NTSR2: variants seen among roughly 807,000 people sequenced by gnomAD.
The protein encoded by NTSR2 is neurotensin receptor type 2.
In NTSR2, 22 loss-of-function variants were observed where a neutral mutation model predicts 24.1. That is an observed-to-expected ratio of 0.91 (90% CI 0.65 to 1.30). NTSR2 has a LOEUF of 1.30. Among genes scored for constraint, NTSR2 ranks in the 50% most tolerant of loss-of-function variants. The pLI, the probability that NTSR2 is intolerant of heterozygous loss-of-function variation, is 0.00. For missense variants in NTSR2, 570 were observed against 570.4 expected, an observed-to-expected ratio of 1.00 and a Z score of 0.01; for synonymous variants, 291 against 267.0, an observed-to-expected ratio of 1.09 and a Z score of -0.88.
rs898796459 is a variant in NTSR2, at chr2:11,662,008, A to C, written c.857T>G (p.Val286Gly). 32 of 1,611,842 alleles carry C rather than the reference A, an allele frequency of 2.0e-5. No homozygotes were observed. Among genetic ancestry groups the C allele is most frequent in the Non-Finnish European group, 2.7e-5 (32 of 1,179,052 alleles). The change falls in exon 2 of 4, where the codon GTG becomes GGG. Residue 286 changes from valine (V) to glycine (G), a missense_variant. Transcript: ENST00000306928. ...GCGCTGGAGGCTGCGGATCCGGCGCACGTCTTTATGTCTCACCAGGCTGAC... is the reference window on the plus strand; with the variant it reads ...GCGCTGGAGGCTGCGGATCCGGCGCCCGTCTTTATGTCTCACCAGGCTGAC... ...GQVSLVRHKD[V>G]RRIRSLQRSV...
rs754521218 is a variant in NTSR2 at position 11,669,744 on chromosome 2, A to C, written c.386T>G (p.Leu129Arg). Reference sequence around the variant, plus strand: ...CACGGCTAGGCAGCGCTCGGCGCTCAGGCCTGCCACGCTCAGCACCGTGGC... The same window carrying C: ...CACGGCTAGGCAGCGCTCGGCGCTCCGGCCTGCCACGCTCAGCACCGTGGC... ...AYATVLSVAGLSAERCLAVCQ... is the reference protein window; with the variant it reads ...AYATVLSVAGRSAERCLAVCQ... Residue 129 changes from leucine to arginine, a missense_variant, in exon 1 of 4, where the codon CTG (leucine) becomes CGG (arginine). Leu to Arg is a moderately radical substitution (Grantham distance 102). Transcript: ENST00000306928. 8.3e-5 allele frequency: 127 copies of C among 1,534,840 alleles called. No homozygotes were observed. Among genetic ancestry groups the C allele is most frequent in the Non-Finnish European group, 1.0e-4 (118 of 1,146,622 alleles).
intron 1 of NTSR2, among the ~76,000 whole-genome samples, chr2:11,667,805 G>C (rs558044250): frequency 6.6e-6 from 1 of 152,326 alleles, no homozygotes; most frequent in East Asian, 1.9e-4. Context: ...CCTGCTTCCA[G>C]GTGCGCATTG....
At chr2:11,669,460 G>GGGGGGGGGGGGGGGGGGGGCCCCCCCC in intron 1 of NTSR2, 46 bp downstream of exon 1, 3 of 254,724 alleles carry the variant, frequency 1.2e-5, no homozygotes, top group Non-Finnish European at 2.1e-5. Context: ...TCCCAGCACC[G>GGGGGGGGGGGGGGGGGGGGCCCCCCCC]CCCCCCCACC....
At chr2:11,663,707 A>G (rs1212786374) in intron 1 of NTSR2, among the ~76,000 whole-genome samples, 1 of 152,212 alleles carries the variant, frequency 6.6e-6, no homozygotes, top group Non-Finnish European at 1.5e-5. Flanking sequence ...GGATGGGGCC[A>G]GTGTGTGTTG....
Position 11,669,740 on chromosome 2 carries a change from G to A in NTSR2, c.390C>T (p.Ser130=). Reference sequence around the variant, plus strand: ...GGCACACGGCTAGGCAGCGCTCGGCGCTCAGGCCTGCCACGCTCAGCACCG... The same window carrying A: ...GGCACACGGCTAGGCAGCGCTCGGCACTCAGGCCTGCCACGCTCAGCACCG... ...YATVLSVAGL[S]AERCLAVCQP... The change falls in exon 1 of 4, where the codon AGC becomes AGT. Residue 130 remains serine (S), a synonymous_variant. Transcript: ENST00000306928. The A allele has an allele frequency of 6.5e-7, 1 of 1,534,046 alleles. No individual in the cohort carries two copies. Among genetic ancestry groups the A allele is most frequent in the Non-Finnish European group, 8.7e-7 (1 of 1,146,146 alleles).
At chr2:11,669,408 G>A in intron 1 of NTSR2, 98 bp downstream of exon 1, 3 of 968,652 alleles carry the variant, frequency 3.1e-6, no homozygotes, top group Middle Eastern at 3.5e-4. Flanking sequence ...GCGAGCATTA[G>A]AGTCGAAAAT....
chr2:11,659,312 C>T (rs1331119755), intron 3 of NTSR2, among the ~76,000 whole-genome samples: 2 of 152,244 alleles, frequency 1.3e-5, no homozygotes, highest in East Asian at 1.9e-4. Context: ...ACTGAGGCCC[C>T]GGGTGCCCCG....
chr2:11,669,460 G>GGGGCGGGGGGGGCCCCCCCCCCCCCCCCC, intron 1 of NTSR2, 46 bp downstream of exon 1: 1 of 254,726 alleles, frequency 3.9e-6, no homozygotes, highest in Non-Finnish European at 6.9e-6. Context: ...TCCCAGCACC[G>GGGGCGGGGGGGGCCCCCCCCCCCCCCCCC]CCCCCCCACC....
In NTSR2 at chr2:11,670,107, G is replaced by A. The variant is rs1420907218; in HGVS notation, c.23C>T (p.Pro8Leu). Residue 8 changes from proline to leucine, a missense_variant, in exon 1 of 4, where the codon CCC (proline) becomes CTC (leucine). By Grantham distance (98) the Pro-to-Leu change is moderately conservative. Transcript: ENST00000306928. METSSPR[P>L]PRPSSNPGLS... ...CCCCGGGTTGGAGCTGGGCCGCGGG[G>A]GCCGCGGGCTGCTGGTTTCCATCCC... 2 of 1,389,328 alleles carry A rather than the reference G, an allele frequency of 1.4e-6. No homozygotes were observed. Among genetic ancestry groups the A allele is most frequent in the Non-Finnish European group, 1.9e-6 (2 of 1,078,174 alleles). The allele number at this position is 1,389,328 out of a possible 1,614,324, so 86.1% of individuals were successfully genotyped here.
intron 2 of NTSR2, among the ~76,000 whole-genome samples, 200 bp from the exon 3 acceptor site, chr2:11,660,333 C>G (rs1231461894): frequency 6.6e-6 from 1 of 152,166 alleles, no homozygotes; most frequent in African/African-American, 2.4e-5. Flanking sequence ...TCATGTGATC[C>G]TGTCCTCTGG....
intron 1 of NTSR2, among the ~76,000 whole-genome samples, chr2:11,666,439 G>A (rs1558699011): frequency 6.6e-6 from 1 of 152,170 alleles, no homozygotes; most frequent in Non-Finnish European, 1.5e-5. Context: ...GGTGGCTCAC[G>A]GCTATAATCC....
At chr2:11,669,459 C>CGGGGGGGGGGGGGGGGGCG in intron 1 of NTSR2, 47 bp downstream of exon 1, 2 of 337,894 alleles carry the variant, frequency 5.9e-6, no homozygotes, top group Non-Finnish European at 5.3e-6. Flanking sequence ...CTCCCAGCAC[C>CGGGGGGGGGGGGGGGGGCG]GCCCCCCCAC....
At chr2:11,660,485 G>T (rs538263395) in intron 2 of NTSR2, among the ~76,000 whole-genome samples, 21 of 152,262 alleles carry the variant, frequency 1.4e-4, no homozygotes, top group African/African-American at 5.1e-4. Context: ...TCTTTCTTGG[G>T]CCAGGCACGG....
At chr2:11,669,114 T>TCCAGGGAGGG (rs1661265161) in intron 1 of NTSR2, among the ~76,000 whole-genome samples, 1 of 151,952 alleles carries the variant, frequency 6.6e-6, no homozygotes, top group South Asian at 2.1e-4. Flanking sequence ...CCACCCTACC[T>TCCAGGGAGGG]CCAGGGAGGC....
intron 2 of NTSR2, among the ~76,000 whole-genome samples, chr2:11,661,283 ATGAC>A (rs1251076912): frequency 6.6e-6 from 1 of 152,232 alleles, no homozygotes; most frequent in East Asian, 1.9e-4. Context: ...AACTTTTTCA[ATGAC>A]TGACCATCGT....
chr2:11,669,638 G>A lies in NTSR2; in HGVS notation c.492C>T (p.Leu164=), dbSNP rs759769889. The change falls in exon 1 of 4, where the codon CTC becomes CTT. Residue 164 remains leucine (L), a synonymous_variant. Coordinates refer to ENST00000306928, the MANE Select transcript of NTSR2 (RefSeq NM_012344.4). ...TGACGGCCATGGGCAGGGCGAGGCCGAGCGAGGCGGCCCACGAGAGCGCCA... is the reference window on the plus strand; with the variant it reads ...TGACGGCCATGGGCAGGGCGAGGCCAAGCGAGGCGGCCCACGAGAGCGCCA... ...WLVALSWAAS[L]GLALPMAVIM... 14 of 1,562,842 alleles carry A rather than the reference G, an allele frequency of 9.0e-6. No homozygotes were observed. The Middle Eastern group carries it at 8.4e-4, about 93-fold the overall frequency.
chr2:11,660,188 A>C, intron 2 of NTSR2, 55 bp from the exon 3 acceptor site: 23 of 1,361,024 alleles, frequency 1.7e-5, no homozygotes, highest in Non-Finnish European at 2.1e-5. Flanking sequence ...ACACATTCTC[A>C]GTTACACCAT....
intron 1 of NTSR2, among the ~76,000 whole-genome samples, chr2:11,667,662 C>T (rs79744015): frequency 0.013 from 2,005 of 152,286 alleles, 100 homozygotes; most frequent in East Asian, 0.11. Flanking sequence ...CTTTTAAATG[C>T]GAAGTTCCAT....
At chr2:11,659,217 CTA>C (rs1661015977) in intron 3 of NTSR2, among the ~76,000 whole-genome samples, 1 of 152,236 alleles carries the variant, frequency 6.6e-6, no homozygotes, top group Non-Finnish European at 1.5e-5. Flanking sequence ...CACCCAGCCT[CTA>C]TGATCTGCCA....
Sources: allele counts gnomAD v4.1 joint callset (sites outside exome capture counted in the v4.1 genomes callset), GRCh38; gene constraint gnomAD v4.1.1; transcripts MANE v1.5; gene names NCBI Gene and HGNC (gene_info 2026-07-23, HGNC 2026-07-21).